The following LHX6 variants were observed in gnomAD, a reference collection of about 807,000 sequenced individuals.
LHX6 encodes LIM homeobox 6, also known as LIM/homeobox protein Lhx6.
LHX6 carries 15 observed loss-of-function variants against 47.1 expected under a neutral mutation model. The observed-to-expected ratio is 0.32, with a 90% CI of 0.21 to 0.49. The LOEUF (loss-of-function observed/expected upper bound fraction) is 0.49. LHX6 is among the 20% of genes least tolerant of loss of function. LHX6 has a pLI of 0.99. For synonymous variants in LHX6, 242 were observed against 233.5 expected, an observed-to-expected ratio of 1.04 and a Z score of -0.33; for missense variants, 404 against 539.6, an observed-to-expected ratio of 0.75 and a Z score of 2.49.
Position 122,213,966 on chromosome 9 carries a change from C to CCG in LHX6, c.879+7_879+8insCG. ...GCGGTCCCCAGGCCCCGCCCACCCC[C>CCG]GTCCCACCTGGATGACTCTCCGGCT... On this transcript the variant is annotated splice_region_variant and intron_variant, in intron 7 of 9. Transcript: ENST00000394319. This position sits in a 1 kb window ranked among gnomAD's most constrained non-coding sequence, Gnocchi z 5.5. The CCG allele has an allele frequency of 5.7e-6, 9 of 1,580,016 alleles. No homozygotes were observed. The highest frequency in any genetic ancestry group is 7.7e-6 in the Non-Finnish European group (9 of 1,161,438).
chr9:122,204,246 GA>G lies in LHX6; in HGVS notation c.*513del, dbSNP rs1830086287. On this transcript the variant is annotated 3_prime_UTR_variant, in exon 10 of 10. Coordinates refer to ENST00000394319, the MANE Select transcript of LHX6 (RefSeq NM_014368.5). Reference sequence around the variant, plus strand: ...CAGACAGATGGAAATGATAAAATTAGAACATAGCTTTCCTTTGGGGACATCC... The same window carrying G: ...CAGACAGATGGAAATGATAAAATTAGACATAGCTTTCCTTTGGGGACATCC... 6.4e-6 allele frequency: 1 copy of G among 155,758 alleles called. No individual in the cohort carries two copies. Among genetic ancestry groups the G allele is most frequent in the Admixed American group, 6.5e-5 (1 of 15,358 alleles). The allele number at this position is 155,758 out of a possible 1,614,324, so 9.6% of individuals were successfully genotyped here. A position where few individuals can be genotyped will look rare whatever the true frequency, so the allele number is the denominator to read the frequency against.
chr9:122,222,723 G>A (rs1176990397), intron 4 of LHX6, among the ~76,000 whole-genome samples: 1 of 152,174 alleles, frequency 6.6e-6, no homozygotes, highest in Non-Finnish European at 1.5e-5. Context: ...GACTGAAGGA[G>A]GGTCTATAAG....
intron 5 of LHX6, among the ~76,000 whole-genome samples, chr9:122,216,591 T>C (rs549496036): frequency 1.3e-5 from 2 of 152,114 alleles, no homozygotes; most frequent in Admixed American, 6.6e-5. Flanking sequence ...TCCTCAAACC[T>C]CTGGCTTGGA....
chr9:122,218,559 C>T (rs926959396), intron 4 of LHX6, among the ~76,000 whole-genome samples: 14 of 152,148 alleles, frequency 9.2e-5, no homozygotes, highest in Non-Finnish European at 2.1e-4. Context: ...TGTTTCCAGT[C>T]TCGCCCCTGC....
At chr9:122,209,464 T>TGTGGGGGTGCG in intron 9 of LHX6, 150 bp downstream of exon 9, 2 of 1,178,276 alleles carry the variant, frequency 1.7e-6, no homozygotes, top group East Asian at 5.1e-5. Flanking sequence ...CAGTGACTGC[T>TGTGGGGGTGCG]GTGGGGGTGC....
rs753322621 is a variant in LHX6, at chr9:122,214,051, C to T, written c.802G>A (p.Ala268Thr). 3 of 1,601,896 alleles carry T rather than the reference C, an allele frequency of 1.9e-6. No individual in the cohort carries two copies. Among genetic ancestry groups the T allele is most frequent in the Non-Finnish European group, 8.5e-7 (1 of 1,179,508 alleles). Residue 268 changes from alanine to threonine, a missense_variant, in exon 7 of 10, where the codon GCG becomes ACG. Around this residue, in one of 7 missense-constraint regions of LHX6, gnomAD observed 43 missense variants for 84.7 expected, o/e 0.51. Transcript: ENST00000394319. The surrounding 1 kb of genome is among the most constrained non-coding windows in gnomAD (Gnocchi z 4.6). ...TGAGCGTCGGGGTTGTTGTCCTGCG[C>T]GAACTGCGCCTGCATAACCTGCGGG... ...EQLQVMQAQF[A>T]QDNNPDAQTL...
chr9:122,209,365 A>G (rs1367271444), intron 9 of LHX6, among the ~76,000 whole-genome samples: 4 of 152,240 alleles, frequency 2.6e-5, no homozygotes, highest in Non-Finnish European at 4.4e-5. Context: ...TCACAAATCT[A>G]AGACAGAGCA....
chr9:122,225,039 C>G (rs1209392217), intron 4 of LHX6, among the ~76,000 whole-genome samples: 6 of 152,172 alleles, frequency 3.9e-5, no homozygotes, highest in Non-Finnish European at 4.4e-5. Flanking sequence ...TACCCTTGCC[C>G]CAAATGCTGC....
chr9:122,213,935 G>A lies in LHX6; in HGVS notation c.879+39C>T. ...CGAGCCCAGCTACGAGCTCCGGGGCGTGCCCGCGGTCCCCAGGCCCCGCCC... is the reference window on the plus strand; with the variant it reads ...CGAGCCCAGCTACGAGCTCCGGGGCATGCCCGCGGTCCCCAGGCCCCGCCC... On this transcript the variant is annotated intron_variant, in intron 7 of 9. Transcript: ENST00000394319. The surrounding 1 kb of genome is among the most constrained non-coding windows in gnomAD (Gnocchi z 5.5). The A allele has an allele frequency of 3.3e-6, 5 of 1,534,322 alleles. No individual in the cohort carries two copies. The highest frequency in any genetic ancestry group is 4.5e-6 in the Non-Finnish European group (5 of 1,122,900).
chr9:122,219,458 C>G (rs1048077274), intron 4 of LHX6, among the ~76,000 whole-genome samples: 1 of 152,188 alleles, frequency 6.6e-6, no homozygotes, highest in Non-Finnish European at 1.5e-5. Flanking sequence ...TTTGCCCAAC[C>G]CAGCCTACTC....
intron 1 of LHX6, 129 bp downstream of exon 1, chr9:122,228,528 C>A: frequency 7.3e-7 from 1 of 1,364,598 alleles, no homozygotes; most frequent in African/African-American, 1.6e-5. Flanking sequence ...CACTCACAAG[C>A]ACACACTCAC....
chr9:122,205,903 C>T lies in LHX6; in HGVS notation c.1159-1123G>A, dbSNP rs188054611. 5.8e-3 allele frequency among the ~76,000 whole-genome samples: 880 copies of T among 151,950 alleles called. 39 individuals carry two copies. The highest frequency in any genetic ancestry group is 0.048 in the Admixed American group (732 of 15,270). ...AGGGGAGGTGGCAGAGCTGGGATTC[C>T]GAGCTGGCCTAACTCCAGAGTGGCC... On this transcript the variant is annotated intron_variant, in intron 9 of 9. Coordinates refer to ENST00000394319, the MANE Select transcript of LHX6 (RefSeq NM_014368.5).
At chr9:122,228,236 AC>A (rs1266113288) in intron 1 of LHX6, 16 of 1,530,626 alleles carry the variant, frequency 1.0e-5, no homozygotes, top group Non-Finnish European at 1.2e-5. Context: ...GCGAAACGGG[AC>A]CAAAAAGAGA....
Position 122,227,409 on chromosome 9 carries a change from C to T in LHX6, c.156G>A (p.Met52Ile). 1 of 1,509,008 alleles carries T rather than the reference C, an allele frequency of 6.6e-7. No homozygotes were observed. The highest frequency in any genetic ancestry group is 8.9e-7 in the Non-Finnish European group (1 of 1,127,570). 93.5% of individuals were successfully genotyped at this position (1,509,008 alleles called of 1,614,324 possible). ...CGCAGGCAGGGCCAAACGGACTCAC[C>T]ATGGCGGGCGGCGCGGTCCCTTCAA... ...RCLEGTAPPA[M>I]AQSDAEALAG... Residue 52 changes from methionine to isoleucine, a missense_variant and splice_region_variant, in exon 2 of 10, where the codon ATG becomes ATA. Physicochemically the swap from Met to Ile is conservative, Grantham distance 10. Transcript: ENST00000394319.
chr9:122,214,600 T>C lies in LHX6; in HGVS notation c.683-217A>G, dbSNP rs1035916096. ...ACACTTCTTACACGACTGGACCACG[T>C]CTTACAGCCCTAAGGAGAGGTGGCG... On this transcript the variant is annotated intron_variant, in intron 5 of 9. Transcript: ENST00000394319. The surrounding 1 kb of genome is among the most constrained non-coding windows in gnomAD (Gnocchi z 4.6). Among the ~76,000 whole-genome samples the C allele has an allele frequency of 2.0e-5, 3 of 152,136 alleles. No individual in the cohort carries two copies. The highest frequency in any genetic ancestry group is 4.4e-5 in the Non-Finnish European group (3 of 68,034).
Position 122,217,053 on chromosome 9 carries a change from G to C in LHX6, c.682+15C>G. On this transcript the variant is annotated intron_variant, in intron 5 of 9. Coordinates refer to ENST00000394319, the MANE Select transcript of LHX6 (RefSeq NM_014368.5). The surrounding 1 kb of genome is among the most constrained non-coding windows in gnomAD (Gnocchi z 4.9). ...GGGCTGGGGGCAGAGGTGCCAGGCG[G>C]AGCAGGTTGGGTACCGTTCTCGGCG... 1 of 1,610,314 alleles carries C rather than the reference G, an allele frequency of 6.2e-7. No homozygotes were observed. Among genetic ancestry groups the C allele is most frequent in the Non-Finnish European group, 8.5e-7 (1 of 1,176,680 alleles).
chr9:122,214,543 G>T lies in LHX6; in HGVS notation c.683-160C>A. The T allele has an allele frequency of 1.5e-6, 1 of 688,866 alleles. No individual in the cohort carries two copies. The highest frequency in any genetic ancestry group is 1.8e-6 in the Non-Finnish European group (1 of 559,046). 42.7% of individuals were successfully genotyped at this position (688,866 alleles called of 1,614,324 possible). A position where few individuals can be genotyped will look rare whatever the true frequency, so the allele number is the denominator to read the frequency against. On this transcript the variant is annotated intron_variant, in intron 5 of 9. Transcript: ENST00000394319. The surrounding 1 kb of genome is among the most constrained non-coding windows in gnomAD (Gnocchi z 4.6). ...CTAGTCCCTGAGCTCAGTCTTTGGG[G>T]AAGGGGTTTCTGAGCGTCCGCTTAG...
chr9:122,223,750 G>A (rs775899407), intron 4 of LHX6, among the ~76,000 whole-genome samples: 15 of 152,180 alleles, frequency 9.9e-5, no homozygotes, highest in Non-Finnish European at 1.3e-4. Flanking sequence ...TCCGTGTTTT[G>A]ACTAGTTTCA....
Position 122,204,445 on chromosome 9 carries a change from T to G in LHX6, c.*315A>C. On this transcript the variant is annotated 3_prime_UTR_variant, in exon 10 of 10. Transcript: ENST00000394319. ...GGCATCGCACAATTCAATTCCGCCT[T>G]TTGTTATTGTAATCAGCTGAAGTTG... 2 of 387,886 alleles carry G rather than the reference T, an allele frequency of 5.2e-6. No individual in the cohort carries two copies. Among genetic ancestry groups the G allele is most frequent in the East Asian group, 3.8e-5 (1 of 26,646 alleles). The allele number at this position is 387,886 out of a possible 1,614,324, so 24.0% of individuals were successfully genotyped here. A position where few individuals can be genotyped will look rare whatever the true frequency, so the allele number is the denominator to read the frequency against.
Sources: allele counts gnomAD v4.1 joint callset (sites outside exome capture counted in the v4.1 genomes callset), GRCh38; gene constraint gnomAD v4.1.1; regional missense constraint gnomAD v4.1.1; non-coding constraint Gnocchi (gnomAD v3.1); transcripts MANE v1.5; gene names NCBI Gene and HGNC (gene_info 2026-07-23, HGNC 2026-07-21).